PCLO: variants seen among roughly 807,000 people sequenced by gnomAD.
The protein encoded by PCLO is protein piccolo.
In PCLO, 82 loss-of-function variants were observed where a neutral mutation model predicts 427.5. The observed-to-expected ratio is 0.19, with a 90% CI of 0.16 to 0.23. The LOEUF (loss-of-function observed/expected upper bound fraction) is 0.23, where lower values mean the gene tolerates loss of function less well. Among genes scored for constraint, PCLO ranks in the 10% least tolerant of loss-of-function variants. PCLO has a pLI of 1.00. For synonymous variants in PCLO, 2,357 were observed against 2,155.4 expected (o/e 1.09, Z -2.59); for missense variants, 6,239 against 6,115.9 (o/e 1.02, Z -0.67).
intron 3 of PCLO, among the ~76,000 whole-genome samples, chr7:83,130,996 T>A (rs377032160): frequency 1.8e-4 from 28 of 152,198 alleles, no homozygotes; most frequent in African/African-American, 6.5e-4. Flanking sequence ...AACAATAAAA[T>A]AAATATCCAT....
chr7:82,971,554 T>C (rs1381039358), intron 3 of PCLO, among the ~76,000 whole-genome samples: 1 of 147,564 alleles, frequency 6.8e-6, no homozygotes, highest in Non-Finnish European at 1.5e-5. Flanking sequence ...TATATAATCA[T>C]ATAATATATA....
At chr7:83,020,101 T>C (rs534945390) in intron 3 of PCLO, among the ~76,000 whole-genome samples, 47 of 152,264 alleles carry the variant, frequency 3.1e-4, no homozygotes, top group African/African-American at 1.1e-3. Context: ...TGGAAAGCAT[T>C]AGCATGGCCC....
chr7:83,083,825 C>T (rs775382154), intron 3 of PCLO, among the ~76,000 whole-genome samples: 17 of 152,176 alleles, frequency 1.1e-4, no homozygotes, highest in Middle Eastern at 3.4e-3. Flanking sequence ...TGAAATTCCT[C>T]CAGTGGCGAT....
intron 3 of PCLO, among the ~76,000 whole-genome samples, chr7:83,092,341 T>C (rs954836099): frequency 6.6e-6 from 1 of 152,172 alleles, no homozygotes; most frequent in African/African-American, 2.4e-5. Flanking sequence ...TTATCCCTTA[T>C]TCATATATAG....
intron 9 of PCLO, among the ~76,000 whole-genome samples, chr7:82,891,977 A>C (rs1793778499): frequency 1.3e-5 from 2 of 152,140 alleles, no homozygotes; most frequent in African/African-American, 4.8e-5. Flanking sequence ...GGAAGAATCA[A>C]TATTGTGAAA....
In PCLO at chr7:83,154,863, T is replaced by C. The variant is rs774756569; in HGVS notation, c.1778A>G (p.Asn593Ser). The change falls in exon 2 of 25, where the codon AAT becomes AGT. Residue 593 changes from asparagine (N) to serine (S), a missense_variant. Physicochemically the swap from Asn to Ser is conservative, Grantham distance 46. Coordinates refer to ENST00000333891, the MANE Select transcript of PCLO (RefSeq NM_033026.6). Reference sequence around the variant, plus strand: ...AACATGCAACAGAAGTTCAGTGGTATTGCAAAGAGGACAGATGGTTTTAGG... The same window carrying C: ...AACATGCAACAGAAGTTCAGTGGTACTGCAAAGAGGACAGATGGTTTTAGG... ...GLPKTICPLC[N>S]TTELLLHVPE... is the part of the protein sequence containing the mutation. The C allele has an allele frequency of 2.1e-5, 34 of 1,614,006 alleles. No individual in the cohort carries two copies. Among genetic ancestry groups the C allele is most frequent in the Non-Finnish European group, 2.6e-5 (31 of 1,179,870 alleles).
chr7:82,877,642 G>A (rs539239961), intron 10 of PCLO, among the ~76,000 whole-genome samples: 3 of 151,934 alleles, frequency 2.0e-5, no homozygotes, highest in African/African-American at 7.3e-5. Flanking sequence ...TTTTATGAAT[G>A]CCATTAGAAT....
intron 20 of PCLO, among the ~76,000 whole-genome samples, chr7:82,819,812 G>T (rs112681634): frequency 1.1e-4 from 17 of 152,058 alleles, no homozygotes; most frequent in Non-Finnish European, 1.9e-4. Context: ...TAAAAAGAAC[G>T]CAATAGGAAA....
intron 3 of PCLO, among the ~76,000 whole-genome samples, chr7:83,024,542 A>T (rs998443580): frequency 2.0e-5 from 3 of 152,162 alleles, no homozygotes; most frequent in Non-Finnish European, 4.4e-5. Context: ...GGCGCCCGCC[A>T]TTGCCCAGGC....
intron 22 of PCLO, among the ~76,000 whole-genome samples, chr7:82,778,322 G>A (rs989168274): frequency 6.6e-6 from 1 of 152,152 alleles, no homozygotes; most frequent in African/African-American, 2.4e-5. Flanking sequence ...TAGTGGGAGT[G>A]TAAATTAGTT....
chr7:82,956,605 C>T lies in PCLO; in HGVS notation c.4348G>A (p.Glu1450Lys), dbSNP rs775245830. Residue 1450 changes from glutamate to lysine, a missense_variant, in exon 5 of 25, where the codon GAG becomes AAG. Glu to Lys is a moderately conservative substitution (Grantham distance 56, BLOSUM62 1). Transcript: ENST00000333891. ...GTTTCAGATAAACTCTGAGTTTTCT[C>T]TTGGTCTTTAGGCTGTTCAGGAGAA... is the stretch of plus-strand genomic sequence containing the variant. ...EVSPEQPKDQEKTQSLSETLE... is the reference protein window; with the variant it reads ...EVSPEQPKDQKKTQSLSETLE... 1.2e-5 allele frequency: 19 copies of T among 1,613,602 alleles called. No homozygotes were observed. Among genetic ancestry groups the T allele is most frequent in the Admixed American group, 1.7e-5 (1 of 59,936 alleles).
intron 3 of PCLO, among the ~76,000 whole-genome samples, chr7:83,067,827 T>TAC (rs1418280387): frequency 7.6e-5 from 11 of 145,342 alleles, no homozygotes; most frequent in Non-Finnish European, 1.5e-4. Flanking sequence ...TAAAGATTGA[T>TAC]ACAACAAATC....
In PCLO at chr7:83,136,513, C is replaced by T. The variant is rs139587827; in HGVS notation, c.1894-857G>A. Reference sequence around the variant, plus strand: ...TAAAATTAGCAAAGCATTACTCCCCCCTCCCAGGTGACATTCAAATATTTT... The same window carrying T: ...TAAAATTAGCAAAGCATTACTCCCCTCTCCCAGGTGACATTCAAATATTTT... On this transcript the variant is annotated intron_variant, in intron 2 of 24. Transcript: ENST00000333891. 3.8e-3 allele frequency among the ~76,000 whole-genome samples: 583 copies of T among 152,158 alleles called. 5 individuals are homozygous for T. Among genetic ancestry groups the T allele is most frequent in the African/African-American group, 0.014 (563 of 41,532 alleles).
chr7:82,954,881 C>T lies in PCLO; in HGVS notation c.6072G>A (p.Val2024=), dbSNP rs774988573. 1.2e-6 allele frequency: 2 copies of T among 1,613,908 alleles called. No homozygotes were observed. Among genetic ancestry groups the T allele is most frequent in the African/African-American group, 1.3e-5 (1 of 75,040 alleles). ...FYELESLHSV[V]PQEDIVSSSF... is the part of the protein sequence containing the mutation. Reference sequence around the variant, plus strand: ...AGCTTGAAACAATATCTTCCTGAGGCACAACAGAATGTAAGCTTTCTAACT... The same window carrying T: ...AGCTTGAAACAATATCTTCCTGAGGTACAACAGAATGTAAGCTTTCTAACT... The change falls in exon 5 of 25, where the codon GTG becomes GTA. Residue 2024 remains valine, a synonymous_variant. Coordinates refer to ENST00000333891, the MANE Select transcript of PCLO (RefSeq NM_033026.6).
At position 83,030,859 on chromosome 7, in the gene PCLO, G is replaced by A. The variant is rs79143260; in HGVS notation, c.3301-64372C>T. ...GGTTTATAGAGACTGAGAATTGGGA[G>A]TAAAGACCTTTATGCAAACAATCAC... On this transcript the variant is annotated intron_variant, in intron 3 of 24. Transcript: ENST00000333891. Among the ~76,000 whole-genome samples, 7 of 152,268 alleles carry A rather than the reference G, an allele frequency of 4.6e-5. No individual in the cohort carries two copies. The East Asian group carries it at 1.3e-3, about 29-fold the overall frequency.
At chr7:83,109,640 G>A (rs10257629) in intron 3 of PCLO, among the ~76,000 whole-genome samples, 77,833 of 151,800 alleles carry the variant, frequency 0.51, 20,482 homozygotes, top group African/African-American at 0.64. Context: ...TCTAGCTGTT[G>A]ACTCCTTGGC....
At chr7:82,763,860 G>C (rs931896576) in intron 22 of PCLO, among the ~76,000 whole-genome samples, 1 of 151,970 alleles carries the variant, frequency 6.6e-6, no homozygotes, top group Non-Finnish European at 1.5e-5. Context: ...ATAAATAAAA[G>C]ATTTTATATC....
intron 20 of PCLO, chr7:82,821,326 A>G: frequency 1.0e-6 from 1 of 986,112 alleles, no homozygotes; most frequent in Non-Finnish European, 1.2e-6. Flanking sequence ...GGAAACCCAG[A>G]GTATGTATCC....
intron 3 of PCLO, among the ~76,000 whole-genome samples, chr7:82,991,549 T>C (rs1796377322): frequency 6.6e-6 from 1 of 152,080 alleles, no homozygotes; most frequent in African/African-American, 2.4e-5. Flanking sequence ...GATAACAATA[T>C]ATTTAAATAA....
Sources: gnomAD v4.1 joint callset for allele counts (sites outside exome capture counted in the v4.1 genomes callset) on GRCh38, gnomAD v4.1.1 for gene constraint, MANE v1.5 for transcripts, NCBI Gene and HGNC (gene_info 2026-07-23, HGNC 2026-07-21) for gene names.